PLA2G4A: variants seen among roughly 807,000 people sequenced by gnomAD.
PLA2G4A encodes the protein phospholipase A2 group IVA, also known as cytosolic phospholipase A2.
PLA2G4A carries 40 observed loss-of-function variants against 81.9 expected under a neutral mutation model. The observed-to-expected ratio is 0.49, with a 90% CI of 0.38 to 0.64. The LOEUF is 0.64. Ranked by LOEUF, PLA2G4A falls within the 30% of genes least tolerant of loss-of-function variation. PLA2G4A has a pLI of 0.00. For missense variants in PLA2G4A, 715 were observed against 905.1 expected (o/e 0.79, Z 2.69); for synonymous variants, 302 against 296.9 (o/e 1.02, Z -0.18).
At chr1:186,872,611 T>A (rs74137533) in intron 3 of PLA2G4A, among the ~76,000 whole-genome samples, 2,344 of 152,084 alleles carry the variant, frequency 0.015, 85 homozygotes, top group African/African-American at 0.053. Flanking sequence ...AACTTTATAC[T>A]CCATGAGTCT....
intron 7 of PLA2G4A, among the ~76,000 whole-genome samples, chr1:186,926,572 G>A (rs547515593): frequency 6.6e-5 from 10 of 152,210 alleles, no homozygotes; most frequent in African/African-American, 2.4e-4. Flanking sequence ...TTCAGTGCTG[G>A]CCAGTTGGCC....
intron 7 of PLA2G4A, among the ~76,000 whole-genome samples, chr1:186,912,907 G>T (rs1242472911): frequency 6.7e-6 from 1 of 148,224 alleles, no homozygotes; most frequent in Non-Finnish European, 1.5e-5. Flanking sequence ...TTTATCAATA[G>T]GAAAAGTTTA....
intron 16 of PLA2G4A, among the ~76,000 whole-genome samples, chr1:186,979,016 A>C (rs1657628941): frequency 6.6e-6 from 1 of 152,226 alleles, no homozygotes; most frequent in Non-Finnish European, 1.5e-5. Context: ...TTGGTTGACC[A>C]CTGCCTGGGG....
chr1:186,844,188 G>A (rs756262040), intron 1 of PLA2G4A, among the ~76,000 whole-genome samples: 13 of 152,152 alleles, frequency 8.5e-5, no homozygotes, highest in South Asian at 6.2e-4. Context: ...TGTTCCTGTC[G>A]TAAACTGAGA....
Position 186,977,788 on chromosome 1 carries a change from G to C in PLA2G4A, c.1960G>C (p.Gly654Arg), listed in dbSNP as rs1557901059. 1 of 1,588,056 alleles carries C rather than the reference G, an allele frequency of 6.3e-7. No homozygotes were observed. The highest frequency in any genetic ancestry group is 1.1e-5 in the South Asian group (1 of 90,572). Residue 654 changes from glycine (G) to arginine (R), a missense_variant and splice_region_variant, in exon 16 of 18, where the codon GGT becomes CGT. Gly to Arg is a moderately radical substitution (Grantham distance 125). Transcript: ENST00000367466. ...CAACTTCAGAAAGTACAGGGCTCCA[G>C]GTAAGTAGGGAGTAAGCTGTATTCC... ...NINFRKYRAP[G>R]VPRETEEEKE...
intron 3 of PLA2G4A, among the ~76,000 whole-genome samples, chr1:186,892,277 G>A (rs1389549296): frequency 3.3e-5 from 5 of 151,884 alleles, no homozygotes; most frequent in Admixed American, 2.6e-4. Flanking sequence ...CCTTTGGTGT[G>A]CAAAAAAGCT....
chr1:186,912,686 A>C (rs1654988766), intron 7 of PLA2G4A, among the ~76,000 whole-genome samples: 3 of 148,408 alleles, frequency 2.0e-5, no homozygotes, highest in South Asian at 4.2e-4. Flanking sequence ...GTCTGGATGT[A>C]CCACATTTTA....
Position 186,965,601 on chromosome 1 carries a change from T to C in PLA2G4A, c.1764+8T>C, listed in dbSNP as rs376541562. On this transcript the variant is annotated splice_region_variant and intron_variant, in intron 15 of 17. Coordinates refer to ENST00000367466, the MANE Select transcript of PLA2G4A (RefSeq NM_024420.3). ...TCTAGTCCTCCGTTCAAGGTAAGGA[T>C]ACATAATACAGCATTCCATTCTCTA... 2 of 1,591,166 alleles carry C rather than the reference T, an allele frequency of 1.3e-6. No individual in the cohort carries two copies. Among genetic ancestry groups the C allele is most frequent in the African/African-American group, 1.3e-5 (1 of 74,510 alleles).
chr1:186,946,185 A>G (rs949476586), intron 10 of PLA2G4A, among the ~76,000 whole-genome samples: 34 of 152,158 alleles, frequency 2.2e-4, no homozygotes, highest in Non-Finnish European at 4.7e-4. Context: ...ACAGTTAGTG[A>G]GCAAAATTGA....
rs1395179418 is a variant in PLA2G4A, at chr1:186,920,715, AC to A, written c.558+9332del. Reference sequence around the variant, plus strand: ...GATTAGACTGGGTATTCTTCCCAGAACCCCCCTTTTCCTCTCCTTTCAGGGG... The same window carrying A: ...GATTAGACTGGGTATTCTTCCCAGAACCCCCTTTTCCTCTCCTTTCAGGGG... On this transcript the variant is annotated intron_variant, in intron 7 of 17. Transcript: ENST00000367466. 1.4e-4 allele frequency among the ~76,000 whole-genome samples: 22 copies of A among 152,186 alleles called. No individual in the cohort carries two copies. In the East Asian group the frequency reaches 4.2e-3, roughly 29 times the overall value.
At chr1:186,963,124 T>C (rs963338670) in intron 14 of PLA2G4A, among the ~76,000 whole-genome samples, 7 of 152,230 alleles carry the variant, frequency 4.6e-5, no homozygotes, top group South Asian at 2.1e-4. Flanking sequence ...TGATACATAA[T>C]AGACTCAGTA....
intron 1 of PLA2G4A, among the ~76,000 whole-genome samples, chr1:186,841,465 G>A (rs747262914): frequency 1.3e-5 from 2 of 152,186 alleles, no homozygotes; most frequent in Non-Finnish European, 2.9e-5. Flanking sequence ...TGCCAGTAGG[G>A]TATAAAGAAA....
At chr1:186,888,009 T>C (rs1262312368) in intron 3 of PLA2G4A, among the ~76,000 whole-genome samples, 5 of 152,326 alleles carry the variant, frequency 3.3e-5, no homozygotes, top group African/African-American at 1.2e-4. Flanking sequence ...GTGTGCAGTT[T>C]TGGTAGTTTT....
chr1:186,880,163 G>T (rs1653675999), intron 3 of PLA2G4A, among the ~76,000 whole-genome samples: 1 of 152,030 alleles, frequency 6.6e-6, no homozygotes, highest in Non-Finnish European at 1.5e-5. Context: ...GTGGGAAGAT[G>T]AAATGGGCTT....
At chr1:186,888,851 A>T (rs201467405) in intron 3 of PLA2G4A, among the ~76,000 whole-genome samples, 2 of 776 alleles carry the variant, frequency 2.6e-3, no homozygotes, top group Non-Finnish European at 3.9e-3. Flanking sequence ...GAAAATGGTT[A>T]AAAAAAAGAG....
chr1:186,897,898 G>A (rs1654395605), intron 5 of PLA2G4A, among the ~76,000 whole-genome samples: 1 of 152,072 alleles, frequency 6.6e-6, no homozygotes. Context: ...GGCTTCTAAT[G>A]GTCCTGTCAT....
At chr1:186,933,650 C>G (rs1030311413) in intron 8 of PLA2G4A, among the ~76,000 whole-genome samples, 1 of 151,992 alleles carries the variant, frequency 6.6e-6, no homozygotes, top group African/African-American at 2.4e-5. Context: ...CTTACAAGGC[C>G]TTTTTAGTCA....
intron 5 of PLA2G4A, among the ~76,000 whole-genome samples, chr1:186,895,582 A>T (rs1654307810): frequency 1.3e-5 from 2 of 152,244 alleles, no homozygotes; most frequent in South Asian, 4.1e-4. Flanking sequence ...GAAGGAGGTG[A>T]GTAAAGGTTG....
intron 1 of PLA2G4A, among the ~76,000 whole-genome samples, chr1:186,853,274 A>T (rs1295815770): frequency 6.6e-6 from 1 of 151,880 alleles, no homozygotes; most frequent in Non-Finnish European, 1.5e-5. Context: ...AAAAAAATTT[A>T]AATCCTCTCT....
Sources: gnomAD v4.1 joint callset for allele counts (sites outside exome capture counted in the v4.1 genomes callset) on GRCh38, gnomAD v4.1.1 for gene constraint, MANE v1.5 for transcripts, NCBI Gene and HGNC (gene_info 2026-07-23, HGNC 2026-07-21) for gene names.